The following PTPRD variants were observed in gnomAD, a reference collection of about 807,000 sequenced individuals.
PTPRD encodes the protein receptor-type tyrosine-protein phosphatase delta.
Under a neutral mutation model 214.5 loss-of-function variants are expected in PTPRD, and 34 were observed. That is an observed-to-expected ratio of 0.16 (90% CI 0.12 to 0.21). PTPRD has a LOEUF of 0.21. Ranked by LOEUF, PTPRD falls within the 10% of genes least tolerant of loss-of-function variation. The pLI is 1.00. For missense variants in PTPRD, 2,545 were observed against 2,398.7 expected, an observed-to-expected ratio of 1.06 and a Z score of -1.27; for synonymous variants, 1,128 against 845.7, an observed-to-expected ratio of 1.33 and a Z score of -5.79.
intron 11 of PTPRD, among the ~76,000 whole-genome samples, chr9:8,768,943 G>A (rs112785508): frequency 4.6e-5 from 7 of 152,120 alleles, no homozygotes; most frequent in African/African-American, 1.7e-4. Context: ...CCATGTTATA[G>A]CACTATATAA....
chr9:10,580,067 C>A (rs1375404289), intron 2 of PTPRD, among the ~76,000 whole-genome samples: 2 of 152,062 alleles, frequency 1.3e-5, no homozygotes, highest in Non-Finnish European at 2.9e-5. Flanking sequence ...CTTTGTTGTT[C>A]TAGCTTAATT....
intron 3 of PTPRD, among the ~76,000 whole-genome samples, chr9:10,243,979 G>C (rs1210735951): frequency 6.6e-6 from 1 of 151,806 alleles, no homozygotes; most frequent in African/African-American, 2.4e-5. Context: ...TTAACAGCTT[G>C]TTCATCTCTA....
chr9:10,056,060 C>G (rs921796895), intron 3 of PTPRD, among the ~76,000 whole-genome samples: 10 of 150,508 alleles, frequency 6.6e-5, no homozygotes, highest in African/African-American at 2.5e-4. Context: ...CAGTGGCTCA[C>G]ACCTGTAATT....
intron 4 of PTPRD, among the ~76,000 whole-genome samples, chr9:9,946,295 T>C (rs1425775070): frequency 1.3e-5 from 2 of 152,140 alleles, no homozygotes; most frequent in African/African-American, 4.8e-5. Flanking sequence ...ATTTAATGAA[T>C]GGGTAAAAAT....
At chr9:8,915,477 T>C (rs904941482) in intron 11 of PTPRD, among the ~76,000 whole-genome samples, 9 of 152,106 alleles carry the variant, frequency 5.9e-5, no homozygotes, top group African/African-American at 1.9e-4. Flanking sequence ...CGGAACAATG[T>C]GATATGTGTG....
intron 5 of PTPRD, among the ~76,000 whole-genome samples, chr9:9,779,717 G>T (rs1382749097): frequency 1.3e-5 from 2 of 152,148 alleles, no homozygotes; most frequent in South Asian, 2.1e-4. Context: ...AGCTGGTAAG[G>T]CTATGGAGAA....
At chr9:9,406,877 G>A (rs1336967483) in intron 8 of PTPRD, among the ~76,000 whole-genome samples, 13 of 146,324 alleles carry the variant, frequency 8.9e-5, no homozygotes, top group African/African-American at 7.6e-5. Context: ...TGTGTCTTCC[G>A]TAGAAAAGGC....
intron 8 of PTPRD, among the ~76,000 whole-genome samples, chr9:9,493,618 C>G (rs1253995478): frequency 6.6e-6 from 1 of 151,704 alleles, no homozygotes; most frequent in Admixed American, 6.6e-5. Context: ...GAAACCCTGT[C>G]TCTACTAAAC....
rs1215534366 is a variant in PTPRD, at chr9:8,341,825, G to A, written c.4815C>T (p.Ile1605=). The A allele has an allele frequency of 1.2e-6, 2 of 1,613,468 alleles. No homozygotes were observed. The highest frequency in any genetic ancestry group is 1.3e-5 in the African/African-American group (1 of 74,948). ...MVQTEDQYIF[I]HDALLEAVTC... ...TCACTGCTTCTAACAGTGCATCATG[G>A]ATAAAGATGTATTGGTCTTCTGTTT... Residue 1605 remains isoleucine (I), a synonymous_variant, in exon 40 of 46, where the codon ATC becomes ATT. Transcript: ENST00000381196.
At position 10,095,493 on chromosome 9, in the gene PTPRD, T is replaced by C. The variant is rs189298468; in HGVS notation, c.-544-61703A>G. 1.2e-4 allele frequency among the ~76,000 whole-genome samples: 18 copies of C among 151,634 alleles called. No homozygotes were observed. In the East Asian group the frequency reaches 3.5e-3, roughly 30 times the overall value. ...ACTGACATGAATGCAGTCTTATCCC[T>C]TCTGATTACTCATAATCAACAACTG... On this transcript the variant is annotated intron_variant, in intron 3 of 45. Transcript: ENST00000381196.
chr9:8,643,283 G>A (rs1295074610), intron 12 of PTPRD, among the ~76,000 whole-genome samples: 3 of 151,946 alleles, frequency 2.0e-5, no homozygotes, highest in Admixed American at 6.6e-5. Flanking sequence ...AGTCTTGCAA[G>A]ATGTTATCAT....
intron 10 of PTPRD, among the ~76,000 whole-genome samples, chr9:9,135,085 A>G (rs1180296689): frequency 6.6e-6 from 1 of 152,208 alleles, no homozygotes; most frequent in East Asian, 1.9e-4. Context: ...TAATGAGATC[A>G]TAAATTCCTT....
rs34170938 is a variant in PTPRD at position 9,512,870 on chromosome 9, G to GAA, written c.-237+61860_-237+61861dup. 2.0e-3 allele frequency among the ~76,000 whole-genome samples: 285 copies of GAA among 145,766 alleles called. 2 individuals are homozygous for GAA. The highest frequency in any genetic ancestry group is 0.014 in the Middle Eastern group (4 of 282). ...CAGATCTTTTGCCTTCTATGGTGAT[G>GAA]AAAAAAAAAAACACAATAATAATCA... On this transcript the variant is annotated intron_variant, in intron 8 of 45. Coordinates refer to ENST00000381196, the MANE Select transcript of PTPRD (RefSeq NM_002839.4).
chr9:8,482,306 C>A (rs185212804), intron 30 of PTPRD, among the ~76,000 whole-genome samples: 1 of 152,244 alleles, frequency 6.6e-6, no homozygotes, highest in Admixed American at 6.5e-5. Flanking sequence ...TACTACTACT[C>A]TAGTGTAACT....
At chr9:9,573,585 T>C (rs2087301346) in intron 8 of PTPRD, among the ~76,000 whole-genome samples, 1 of 151,748 alleles carries the variant, frequency 6.6e-6, no homozygotes, top group Admixed American at 6.6e-5. Flanking sequence ...TTATTATAAA[T>C]TGAAATAATT....
chr9:10,487,966 G>GTCTCTCTCTCTCTC (rs56372955), intron 2 of PTPRD, among the ~76,000 whole-genome samples: 2,963 of 110,216 alleles, frequency 0.027, 259 homozygotes, highest in Non-Finnish European at 0.032. Flanking sequence ...AATGAACACA[G>GTCTCTCTCTCTCTC]TCTCTCTCTC....
intron 3 of PTPRD, among the ~76,000 whole-genome samples, chr9:10,201,501 C>T (rs1339942909): frequency 1.3e-5 from 2 of 151,846 alleles, no homozygotes; most frequent in Non-Finnish European, 2.9e-5. Context: ...GTGTAATGTG[C>T]TATGTATGCA....
At chr9:8,454,293 C>T (rs2096087695) in intron 33 of PTPRD, among the ~76,000 whole-genome samples, 1 of 152,238 alleles carries the variant, frequency 6.6e-6, no homozygotes, top group Non-Finnish European at 1.5e-5. Flanking sequence ...TCAACACACA[C>T]AAATGCCCAT....
chr9:9,115,122 T>C (rs2099811082), intron 10 of PTPRD, among the ~76,000 whole-genome samples: 1 of 152,154 alleles, frequency 6.6e-6, no homozygotes, highest in Non-Finnish European at 1.5e-5. Context: ...AATAATTTTT[T>C]ACTTTGGTAA....
Sources: gnomAD v4.1 joint callset for allele counts (sites outside exome capture counted in the v4.1 genomes callset) on GRCh38, gnomAD v4.1.1 for gene constraint, MANE v1.5 for transcripts, NCBI Gene and HGNC (gene_info 2026-07-23, HGNC 2026-07-21) for gene names.